DMD: variants seen among roughly 807,000 people sequenced by gnomAD.
DMD encodes dystrophin.
A neutral mutation model predicts 330.1 loss-of-function variants in DMD; 63 were observed. The ratio of observed to expected loss-of-function variants is 0.19; its 90% CI spans 0.16 to 0.24. The LOEUF (loss-of-function observed/expected upper bound fraction) is 0.24, where lower values mean the gene tolerates loss of function less well. Among genes scored for constraint, DMD ranks in the 10% least tolerant of loss-of-function variants. The pLI, the probability that DMD is intolerant of heterozygous loss-of-function variation, is 1.00. For missense variants in DMD, 3,344 were observed against 2,684.1 expected (o/e 1.25, Z -5.43); for synonymous variants, 1,223 against 959.8 (o/e 1.27, Z -5.07).
intron 50 of DMD, among the ~76,000 whole-genome samples, chrX:31,787,644 A>T (rs928055918): frequency 9.0e-6 from 1 of 111,727 alleles, no homozygotes; most frequent in Non-Finnish European, 1.9e-5. Context: ...CCGTCTTCAT[A>T]ATGACCTTGG....
At chrX:32,048,902 T>C (rs1308693957) in intron 44 of DMD, among the ~76,000 whole-genome samples, 1 of 111,250 alleles carries the variant, frequency 9.0e-6, no homozygotes. Flanking sequence ...GGGTCTCAAG[T>C]GGTGTGTGTA....
At chrX:31,392,914 G>A (rs1256631565) in intron 60 of DMD, among the ~76,000 whole-genome samples, 1 of 111,914 alleles carries the variant, frequency 8.9e-6, no homozygotes, top group African/African-American at 3.2e-5. Context: ...GGTATAAAGA[G>A]TGCATGCAAA....
intron 44 of DMD, among the ~76,000 whole-genome samples, chrX:31,987,407 C>T (rs975162666): frequency 9.0e-6 from 1 of 111,538 alleles, no homozygotes; most frequent in Non-Finnish European, 1.9e-5. Flanking sequence ...CCTTTCTAAT[C>T]GTGACTTTGT....
At chrX:31,612,707 TA>T (rs1157834116) in intron 55 of DMD, among the ~76,000 whole-genome samples, 1 of 111,749 alleles carries the variant, frequency 8.9e-6, no homozygotes. Flanking sequence ...ATTATTAAAA[TA>T]CCTTTGGGGC....
chrX:31,240,295 A>G (rs2048119836), intron 63 of DMD, among the ~76,000 whole-genome samples: 1 of 112,123 alleles, frequency 8.9e-6, no homozygotes, highest in African/African-American at 3.2e-5. Context: ...AAAAATGGGC[A>G]TATTTTTATG....
intron 50 of DMD, among the ~76,000 whole-genome samples, chrX:31,793,452 T>C (rs2091674402): frequency 9.0e-6 from 1 of 111,567 alleles, no homozygotes; most frequent in Admixed American, 9.5e-5. Context: ...AAACCCATCA[T>C]ACGTTGAAAA....
intron 55 of DMD, among the ~76,000 whole-genome samples, chrX:31,624,224 T>G (rs1429949031): frequency 8.9e-6 from 1 of 112,003 alleles, no homozygotes; most frequent in Non-Finnish European, 1.9e-5. Flanking sequence ...AAAATTCCAG[T>G]TAGCATATCA....
intron 55 of DMD, among the ~76,000 whole-genome samples, chrX:31,592,062 T>C (rs2076900493): frequency 9.1e-6 from 1 of 110,035 alleles, no homozygotes; most frequent in Non-Finnish European, 1.9e-5. Flanking sequence ...ATTTCTCTTA[T>C]TGAATTTCTC....
rs781354418 is a variant in DMD at position 32,631,903 on chromosome X, C to T, written c.1331+12229G>A. Among the ~76,000 whole-genome samples, 7 of 111,270 alleles carry T rather than the reference C, an allele frequency of 6.3e-5. No homozygotes were observed. The East Asian group carries it at 1.7e-3, about 27-fold the overall frequency. On this transcript the variant is annotated intron_variant, in intron 11 of 78. Transcript: ENST00000357033. ...ATACATCCAAACCATACTATTCCAT[C>T]CTGGCCCCTCCCAAATCTCAAGTCC... is the stretch of plus-strand genomic sequence containing the variant.
chrX:31,488,624 T>G (rs1015037085), intron 57 of DMD, among the ~76,000 whole-genome samples: 1 of 111,855 alleles, frequency 8.9e-6, no homozygotes, highest in African/African-American at 3.3e-5. Context: ...AAACTCCACA[T>G]TCTATCTATC....
chrX:32,319,036 A>C (rs1341933640), intron 41 of DMD, among the ~76,000 whole-genome samples: 1 of 111,858 alleles, frequency 8.9e-6, no homozygotes, highest in Non-Finnish European at 1.9e-5. Flanking sequence ...TAAGCTGATA[A>C]ACTGAATCTG....
chrX:31,598,659 T>C (rs1399959670), intron 55 of DMD, among the ~76,000 whole-genome samples: 2 of 111,831 alleles, frequency 1.8e-5, no homozygotes, highest in Non-Finnish European at 3.8e-5. Flanking sequence ...CACTGCATGA[T>C]ATCGGTACTA....
At chrX:32,218,419 A>C (rs938825529) in intron 43 of DMD, among the ~76,000 whole-genome samples, 1 of 111,978 alleles carries the variant, frequency 8.9e-6, no homozygotes, top group African/African-American at 3.2e-5. Context: ...GCCATCCTAC[A>C]GATTACCGGC....
chrX:33,025,366 A>G (rs1209799644), intron 1 of DMD, among the ~76,000 whole-genome samples: 2 of 111,567 alleles, frequency 1.8e-5, no homozygotes, highest in Non-Finnish European at 3.8e-5. Flanking sequence ...AGTGGCATGG[A>G]ATGAAATTGC....
chrX:32,346,153 G>A (rs2097763221), intron 38 of DMD, 73 bp from the exon 39 acceptor site: 15 of 1,086,116 alleles, frequency 1.4e-5, no homozygotes, highest in Non-Finnish European at 1.9e-5. Flanking sequence ...GAGATAATAA[G>A]ACATGTTATT....
At chrX:32,992,257 T>G (rs2092996622) in intron 2 of DMD, among the ~76,000 whole-genome samples, 1 of 111,922 alleles carries the variant, frequency 8.9e-6, no homozygotes, top group African/African-American at 3.2e-5. Flanking sequence ...GCAAATGAAT[T>G]TAATTATCAG....
chrX:31,911,608 C>T (rs912664241), intron 47 of DMD, among the ~76,000 whole-genome samples: 6 of 109,950 alleles, frequency 5.5e-5, no homozygotes, highest in Non-Finnish European at 9.5e-5. Context: ...TTTTCTTATT[C>T]GAGTTCAAAA....
At chrX:31,942,859 C>A (rs2095025060) in intron 45 of DMD, among the ~76,000 whole-genome samples, 1 of 112,193 alleles carries the variant, frequency 8.9e-6, no homozygotes, top group Non-Finnish European at 1.9e-5. Flanking sequence ...CTAATGACAT[C>A]ATCTTAATTG....
chrX:32,803,075 C>T (rs780092066), intron 7 of DMD, among the ~76,000 whole-genome samples: 5 of 111,636 alleles, frequency 4.5e-5, no homozygotes, highest in African/African-American at 1.3e-4. Flanking sequence ...TGGTAGAATT[C>T]GGCTGTGAAT....
Sources: gnomAD v4.1 joint callset for allele counts (sites outside exome capture counted in the v4.1 genomes callset) on GRCh38, gnomAD v4.1.1 for gene constraint, MANE v1.5 for transcripts, NCBI Gene and HGNC (gene_info 2026-07-23, HGNC 2026-07-21) for gene names.